COX4I1: variants seen among roughly 807,000 people sequenced by gnomAD.
COX4I1 encodes cytochrome c oxidase subunit 4 isoform 1, mitochondrial.
Under a neutral mutation model 21.7 loss-of-function variants are expected in COX4I1, and 18 were observed. That is an observed-to-expected ratio of 0.83 (90% CI 0.57 to 1.23). The LOEUF (loss-of-function observed/expected upper bound fraction) is 1.23, where lower values mean the gene tolerates loss of function less well. COX4I1 is among the 50% of genes most tolerant of loss of function. The pLI is 0.00. For missense variants in COX4I1, 238 were observed against 220.7 expected (o/e 1.08, Z -0.50); for synonymous variants, 100 against 81.5 (o/e 1.23, Z -1.23).
chr16:85,804,769 C>A (rs192576601), intron 2 of COX4I1, 168 bp from the exon 3 acceptor site: 1 of 588,944 alleles, frequency 1.7e-6, no homozygotes, highest in South Asian at 2.3e-5. Context: ...TGCTTCTGTT[C>A]CCCCTCCACC....
chr16:85,805,212 G>T, intron 3 of COX4I1, 108 bp downstream of exon 3: 1 of 1,184,348 alleles, frequency 8.4e-7, no homozygotes, highest in Non-Finnish European at 1.2e-6. Flanking sequence ...GTCTTGCACA[G>T]GAGGGTTGCT....
At chr16:85,801,870 G>A (rs1296511223) in intron 2 of COX4I1, among the ~76,000 whole-genome samples, 1 of 152,090 alleles carries the variant, frequency 6.6e-6, no homozygotes, top group Non-Finnish European at 1.5e-5. Context: ...AGAAGAAAAA[G>A]AATATGAAAT....
chr16:85,803,264 G>T (rs759040796), intron 2 of COX4I1: 3 of 152,152 alleles, frequency 2.0e-5, no homozygotes, highest in Non-Finnish European at 4.4e-5. Flanking sequence ...TCCATCTCCT[G>T]TCCCTCAAAT....
intron 3 of COX4I1, 149 bp downstream of exon 3, chr16:85,805,253 C>T (rs1906100455): frequency 1.3e-6 from 1 of 751,502 alleles, no homozygotes; most frequent in Non-Finnish European, 2.1e-6. Context: ...TGTGCCAGGG[C>T]CCCAGTTTAT....
At position 85,805,074 on chromosome 16, in the gene COX4I1, A is replaced by C. The variant is rs747411276; in HGVS notation, c.211A>C (p.Ser71Arg). 1.2e-6 allele frequency: 2 copies of C among 1,613,602 alleles called. No individual in the cohort carries two copies. Among genetic ancestry groups the C allele is most frequent in the African/African-American group, 2.7e-5 (2 of 74,898 alleles). The change falls in exon 3 of 5, where the codon AGC becomes CGC. Residue 71 changes from serine to arginine, a missense_variant. Coordinates refer to ENST00000253452, the MANE Select transcript of COX4I1 (RefSeq NM_001861.6). Reference protein sequence around the residue: ...ALKEKEKASWSSLSMDEKVEL... With the variant: ...ALKEKEKASWRSLSMDEKVEL... ...GAAGGAGAAGGAGAAGGCCTCCTGG[A>C]GCAGCCTCTCCATGGATGAGAAAGT...
chr16:85,806,000 GT>G, intron 4 of COX4I1, 136 bp downstream of exon 4: 1 of 1,279,728 alleles, frequency 7.8e-7, no homozygotes, highest in South Asian at 1.4e-5. Context: ...TCTCAGGATT[GT>G]TTCCAGGCCT....
At chr16:85,806,687 A>G in intron 4 of COX4I1, 51 bp from the exon 5 acceptor site, 1 of 1,613,892 alleles carries the variant, frequency 6.2e-7, no homozygotes, top group Non-Finnish European at 8.5e-7. Flanking sequence ...GGATTGGCCT[A>G]GAAACAACCT....
intron 1 of COX4I1, among the ~76,000 whole-genome samples, chr16:85,800,063 C>T (rs1055073055): frequency 6.6e-6 from 1 of 150,972 alleles, no homozygotes; most frequent in African/African-American, 2.5e-5. Flanking sequence ...GGCCCGCGCT[C>T]TGTGCCTGCA....
At position 85,806,997 on chromosome 16, in the gene COX4I1, C is replaced by G. The variant is rs1016015957; in HGVS notation, c.*123C>G. Reference sequence around the variant, plus strand: ...CACTGCTAATAAATGACCAGTTTACCTGAAACCCTTTGTGATCAGTTCTTT... The same window carrying G: ...CACTGCTAATAAATGACCAGTTTACGTGAAACCCTTTGTGATCAGTTCTTT... On this transcript the variant is annotated 3_prime_UTR_variant, in exon 5 of 5. Transcript: ENST00000253452. 9.7e-7 allele frequency: 1 copy of G among 1,034,474 alleles called. No homozygotes were observed. Among genetic ancestry groups the G allele is most frequent in the Admixed American group, 2.6e-5 (1 of 38,854 alleles). 64.1% of individuals were successfully genotyped at this position (1,034,474 alleles called of 1,614,324 possible).
intron 2 of COX4I1, chr16:85,803,336 C>T (rs553859737): frequency 3.3e-5 from 5 of 152,272 alleles, no homozygotes; most frequent in South Asian, 2.1e-4. Context: ...GTCATTTGCA[C>T]GGCTAAGAGA....
Position 85,805,785 on chromosome 16 carries a change from C to G in COX4I1, c.294C>G (p.Asn98Lys). 1 of 1,614,230 alleles carries G rather than the reference C, an allele frequency of 6.2e-7. No individual in the cohort carries two copies. The highest frequency in any genetic ancestry group is 8.5e-7 in the Non-Finnish European group (1 of 1,180,048). ...TTGCTGAGATGAACAGGGGCTCGAACGAGTGGAAGACGGTTGTGGGCGGTG... is the reference window on the plus strand; with the variant it reads ...TTGCTGAGATGAACAGGGGCTCGAAGGAGTGGAAGACGGTTGTGGGCGGTG... The part of the protein sequence containing the change: ...ESFAEMNRGS[N>K]EWKTVVGGAM... The change falls in exon 4 of 5, where the codon AAC becomes AAG. Residue 98 changes from asparagine (N) to lysine (K), a missense_variant. Asn to Lys is a moderately conservative substitution (Grantham distance 94). Coordinates refer to ENST00000253452, the MANE Select transcript of COX4I1 (RefSeq NM_001861.6).
intron 3 of COX4I1, 150 bp from the exon 4 acceptor site, chr16:85,805,583 G>A (rs1906126197): frequency 8.8e-7 from 1 of 1,140,636 alleles, no homozygotes. Flanking sequence ...GCACGTACGT[G>A]CGTGAACATG....
intron 4 of COX4I1, chr16:85,806,531 G>A (rs909246867): frequency 1.3e-6 from 1 of 753,708 alleles, no homozygotes; most frequent in Non-Finnish European, 2.3e-6. Context: ...AGCTTATTTT[G>A]TTGCTAACTT....
intron 2 of COX4I1, chr16:85,802,989 C>G (rs1013970100): frequency 2.0e-5 from 3 of 152,110 alleles, no homozygotes. Context: ...TAACAGTCAC[C>G]CATTTAAAGT....
chr16:85,804,591 C>T (rs1010242228), intron 2 of COX4I1: 46 of 178,742 alleles, frequency 2.6e-4, no homozygotes, highest in Non-Finnish European at 4.8e-4. Flanking sequence ...CTCCTGACAT[C>T]GTGATCCGCC....
intron 4 of COX4I1, chr16:85,806,449 C>A (rs968230491): frequency 3.1e-5 from 22 of 703,110 alleles, no homozygotes; most frequent in Admixed American, 6.0e-5. Context: ...TCTATTTGAT[C>A]TTCCAGGTCA....
chr16:85,806,361 A>G, intron 4 of COX4I1: 1 of 665,280 alleles, frequency 1.5e-6, no homozygotes, highest in South Asian at 1.6e-5. Context: ...CAGGCAGAAC[A>G]GGCATTTTTG....
rs761045604 is a variant in COX4I1 at position 85,804,947 on chromosome 16, G to A, written c.84G>A (p.Val28=). 2.5e-6 allele frequency: 4 copies of A among 1,606,704 alleles called. No individual in the cohort carries two copies. Among genetic ancestry groups the A allele is most frequent in the Non-Finnish European group, 3.4e-6 (4 of 1,177,362 alleles). ...SVCVRAHESV[V]KSEDFSLPAY... is the part of the protein sequence containing the mutation. ...CAATATGTTTTTCAGAAAGTGTTGT[G>A]AAGAGCGAAGACTTTTCGCTCCCAG... Residue 28 remains valine (V), a synonymous_variant, in exon 3 of 5, where the codon GTG becomes GTA. Coordinates refer to ENST00000253452, the MANE Select transcript of COX4I1 (RefSeq NM_001861.6).
intron 4 of COX4I1, 42 bp downstream of exon 4, chr16:85,805,906 C>T: frequency 6.2e-7 from 1 of 1,612,470 alleles, no homozygotes; most frequent in South Asian, 1.1e-5. Flanking sequence ...TGGACTGGGG[C>T]TCCAGCCTGC....
Sources: allele counts gnomAD v4.1 joint callset (sites outside exome capture counted in the v4.1 genomes callset), GRCh38; gene constraint gnomAD v4.1.1; transcripts MANE v1.5; gene names NCBI Gene and HGNC (gene_info 2026-07-23, HGNC 2026-07-21).